Variants in PRKCE observed in about 807,000 individuals in gnomAD.
PRKCE encodes protein kinase C epsilon.
PRKCE carries 16 observed loss-of-function variants against 85.4 expected under a neutral mutation model. The ratio of observed to expected loss-of-function variants is 0.19; its 90% confidence interval spans 0.13 to 0.28. The LOEUF (loss-of-function observed/expected upper bound fraction) is 0.28, where lower values mean the gene tolerates loss of function less well. Ranked by LOEUF, PRKCE falls within the 10% of genes least tolerant of loss-of-function variation. PRKCE has a pLI of 1.00. For missense variants in PRKCE, 573 were observed against 975.2 expected (o/e 0.59, Z 5.49); for synonymous variants, 388 against 371.5 (o/e 1.04, Z -0.51).
intron 10 of PRKCE, among the ~76,000 whole-genome samples, chr2:46,066,809 A>G (rs568552084): frequency 1.3e-5 from 2 of 152,234 alleles, no homozygotes; most frequent in East Asian, 1.9e-4. Flanking sequence ...TGGGAAGTCA[A>G]CCCCAAAGAA....
At chr2:45,733,884 G>A (rs1681805670) in intron 1 of PRKCE, among the ~76,000 whole-genome samples, 1 of 152,150 alleles carries the variant, frequency 6.6e-6, no homozygotes, top group Non-Finnish European at 1.5e-5. Context: ...TCAGAACAAC[G>A]ATTTTGCTTT....
intron 2 of PRKCE, among the ~76,000 whole-genome samples, chr2:45,914,284 A>G (rs1292155009): frequency 6.6e-6 from 1 of 152,354 alleles, no homozygotes; most frequent in African/African-American, 2.4e-5. Context: ...AATAGCTAAT[A>G]AGATGGGTGG....
chr2:45,821,790 G>A (rs1689554726), intron 1 of PRKCE, among the ~76,000 whole-genome samples: 1 of 152,180 alleles, frequency 6.6e-6, no homozygotes, highest in South Asian at 2.1e-4. Flanking sequence ...GGGAAGGCTT[G>A]GGCAAGAAGT....
intron 1 of PRKCE, among the ~76,000 whole-genome samples, chr2:45,656,444 T>C (rs904644855): frequency 2.0e-5 from 3 of 152,170 alleles, no homozygotes; most frequent in Non-Finnish European, 2.9e-5. Flanking sequence ...GATGTTTCAG[T>C]TGTGATGACA....
intron 2 of PRKCE, among the ~76,000 whole-genome samples, chr2:45,846,099 A>G (rs1246202081): frequency 5.9e-5 from 9 of 152,136 alleles, no homozygotes; most frequent in Non-Finnish European, 1.3e-4. Context: ...ATCGTAAGTA[A>G]TAATCACAGG....
rs577232458 is a variant in PRKCE at position 46,026,242 on chromosome 2, C to T, written c.1437+15725C>T. 5.9e-5 allele frequency among the ~76,000 whole-genome samples: 9 copies of T among 152,050 alleles called. No homozygotes were observed. In the East Asian group the frequency reaches 7.7e-4, roughly 13 times the overall value. On this transcript the variant is annotated intron_variant, in intron 10 of 14. Coordinates refer to ENST00000306156, the MANE Select transcript of PRKCE (RefSeq NM_005400.3). ...CATAGGCATTCATGGGGAGAGTATACGAAGTTAGAGGGTATAAAAGCTATG... is the reference window on the plus strand; with the variant it reads ...CATAGGCATTCATGGGGAGAGTATATGAAGTTAGAGGGTATAAAAGCTATG...
chr2:46,052,956 C>T (rs140761457), intron 10 of PRKCE, among the ~76,000 whole-genome samples: 5 of 152,312 alleles, frequency 3.3e-5, no homozygotes, highest in African/African-American at 1.2e-4. Context: ...GCTCTCACAC[C>T]ATACACAAAA....
chr2:45,950,574 G>C (rs974875238), intron 2 of PRKCE, among the ~76,000 whole-genome samples: 1 of 152,104 alleles, frequency 6.6e-6, no homozygotes, highest in African/African-American at 2.4e-5. Flanking sequence ...TCATTACCAG[G>C]GTTTATGCTC....
chr2:45,800,604 A>G (rs1687786521), intron 1 of PRKCE, among the ~76,000 whole-genome samples: 1 of 152,220 alleles, frequency 6.6e-6, no homozygotes, highest in African/African-American at 2.4e-5. Context: ...AGAGAAGGAC[A>G]AGGGAGAGCC....
At chr2:46,060,752 TTTTTTTGTTTTTTTG>T (rs1667034429) in intron 10 of PRKCE, among the ~76,000 whole-genome samples, 2 of 151,516 alleles carry the variant, frequency 1.3e-5, no homozygotes, top group Non-Finnish European at 2.9e-5. Flanking sequence ...TCCTTTTTTT[TTTTTTTGTTTTTTTG>T]TTTTTTGTTT....
At chr2:46,125,427 G>A (rs1673754453) in intron 11 of PRKCE, among the ~76,000 whole-genome samples, 1 of 152,208 alleles carries the variant, frequency 6.6e-6, no homozygotes, top group Non-Finnish European at 1.5e-5. Context: ...GTTTGAATTT[G>A]TGGGAGTCAA....
intron 2 of PRKCE, among the ~76,000 whole-genome samples, chr2:45,859,083 AATAAAT>A (rs1692932950): frequency 7.2e-6 from 1 of 139,044 alleles, no homozygotes; most frequent in African/African-American, 2.8e-5. Context: ...TAAATAAATA[AATAAAT>A]AAAATAGTAT....
At position 46,159,872 on chromosome 2, in the gene PRKCE, A is replaced by T. The variant is rs1183170554; in HGVS notation, c.2067+120A>T. 45 of 1,325,888 alleles carry T rather than the reference A, an allele frequency of 3.4e-5. No individual in the cohort carries two copies. In the South Asian group the frequency reaches 3.6e-4, roughly 11 times the overall value. 82.1% of individuals were successfully genotyped at this position (1,325,888 alleles called of 1,614,324 possible). On this transcript the variant is annotated intron_variant, in intron 14 of 14. Transcript: ENST00000306156. The surrounding 1 kb of genome is among the most constrained non-coding windows in gnomAD (Gnocchi z 4.1). ...GCGTATTACAGTAAAAATGACAAAG[A>T]CCAGAGGTGGCTGAGGCTCTCCCTA...
intron 2 of PRKCE, among the ~76,000 whole-genome samples, chr2:45,940,601 T>C (rs1370960004): frequency 6.6e-6 from 1 of 152,124 alleles, no homozygotes; most frequent in Non-Finnish European, 1.5e-5. Context: ...GCCAGGTACA[T>C]TCACTGGTCC....
intron 1 of PRKCE, among the ~76,000 whole-genome samples, chr2:45,751,807 C>CTTTTTTTTTTT (rs1444919980): frequency 8.1e-6 from 1 of 124,218 alleles, no homozygotes; most frequent in African/African-American, 3.5e-5. Flanking sequence ...AAGCTAACCA[C>CTTTTTTTTTTT]TATTTTTTTT....
chr2:45,866,662 G>A (rs866289250), intron 2 of PRKCE, among the ~76,000 whole-genome samples: 3 of 152,056 alleles, frequency 2.0e-5, no homozygotes, highest in African/African-American at 4.8e-5. Context: ...GTTAATCTGC[G>A]TTGTTCAGGA....
In PRKCE at chr2:45,665,890, G is replaced by T. The variant is rs368338538; in HGVS notation, c.348+13442G>T. Among the ~76,000 whole-genome samples, 4 of 152,206 alleles carry T rather than the reference G, an allele frequency of 2.6e-5. No individual in the cohort carries two copies. In the South Asian group the frequency reaches 8.3e-4, roughly 32 times the overall value. ...CAGGAATGGATCTGCTTGTCCTCTT[G>T]TCCCTGTGAGGGCAGAGGAGGGAAA... On this transcript the variant is annotated intron_variant, in intron 1 of 14. Transcript: ENST00000306156.
intron 2 of PRKCE, among the ~76,000 whole-genome samples, chr2:45,883,831 T>TG (rs1379264213): frequency 6.6e-6 from 1 of 152,172 alleles, no homozygotes; most frequent in East Asian, 1.9e-4. Flanking sequence ...GGAGAGTGTG[T>TG]GGGAAACTCC....
rs1004125743 is a variant in PRKCE, at chr2:45,921,812, T to A, written c.413-54617T>A. ...CTTCCTGGTGTGATGCCTGCTGTCA[T>A]ACAGAAAGGACTCAATACATGTTTA... On this transcript the variant is annotated intron_variant, in intron 2 of 14. Coordinates refer to ENST00000306156, the MANE Select transcript of PRKCE (RefSeq NM_005400.3). Among the ~76,000 whole-genome samples, 23 of 152,336 alleles carry A rather than the reference T, an allele frequency of 1.5e-4. 1 individual carries two copies. Among genetic ancestry groups the A allele is most frequent in the African/African-American group, 5.3e-4 (22 of 41,566 alleles).
Sources: allele counts gnomAD v4.1 joint callset (sites outside exome capture counted in the v4.1 genomes callset), GRCh38; gene constraint gnomAD v4.1.1; non-coding constraint Gnocchi (gnomAD v3.1); transcripts MANE v1.5; gene names NCBI Gene and HGNC (gene_info 2026-07-23, HGNC 2026-07-21).